The following HHIPL1 variants were observed in gnomAD, a reference collection of about 807,000 sequenced individuals.
HHIPL1 encodes HHIP like 1, also known as HHIP-like protein 1.
Under a neutral mutation model 61.8 loss-of-function variants are expected in HHIPL1, and 43 were observed. That is an observed-to-expected ratio of 0.70 (90% CI 0.55 to 0.90). HHIPL1 has a LOEUF of 0.90. Among genes scored for constraint, HHIPL1 ranks in the 40% least tolerant of loss-of-function variants. The probability of loss-of-function intolerance (pLI) is 0.00; values close to 1 mark genes in which losing one functional copy is unlikely to be tolerated. For missense variants in HHIPL1, 1,056 were observed against 1,157.7 expected, an observed-to-expected ratio of 0.91 and a Z score of 1.28; for synonymous variants, 482 against 515.8, an observed-to-expected ratio of 0.93 and a Z score of 0.89.
intron 1 of HHIPL1, among the ~76,000 whole-genome samples, chr14:99,649,567 G>T (rs1177063854): frequency 6.6e-6 from 1 of 152,202 alleles, no homozygotes; most frequent in Non-Finnish European, 1.5e-5. Flanking sequence ...AAGGCGGGAG[G>T]ATTGCTTGAG....
At chr14:99,628,155 G>A in the HHIPL1 span, among the ~76,000 whole-genome samples, 22 of 152,338 alleles carry the variant, frequency 1.4e-4, no homozygotes, top group African/African-American at 4.8e-4. Flanking sequence ...TGCTCCCCAG[G>A]CAGGCAGGAG....
At chr14:99,640,269 T>G (rs1311065692), upstream of HHIPL1, among the ~76,000 whole-genome samples, 1 of 152,302 alleles carries the variant, frequency 6.6e-6, no homozygotes, top group East Asian at 1.9e-4. Flanking sequence ...TTATGTGGTT[T>G]TTAAAACTTT....
At chr14:99,645,541 G>T in intron 1 of HHIPL1, 79 bp downstream of exon 1, 2 of 1,227,244 alleles carry the variant, frequency 1.6e-6, no homozygotes, top group African/African-American at 1.6e-5. Context: ...CCCCGCGGGG[G>T]CGAGGGCCAA....
At chr14:99,620,937 C>G in the HHIPL1 span, among the ~76,000 whole-genome samples, 3 of 152,244 alleles carry the variant, frequency 2.0e-5, no homozygotes, top group African/African-American at 7.2e-5. Flanking sequence ...GAAGGCAACA[C>G]TCGGGTCTGC....
At chr14:99,671,422 G>C (rs141726699) in intron 7 of HHIPL1, among the ~76,000 whole-genome samples, 10 of 152,276 alleles carry the variant, frequency 6.6e-5, no homozygotes, top group South Asian at 2.1e-4. Flanking sequence ...TATGTGCCTG[G>C]TTGTGTTTCT....
the HHIPL1 span, among the ~76,000 whole-genome samples, chr14:99,627,167 T>C: frequency 6.6e-6 from 1 of 151,772 alleles, no homozygotes; most frequent in Non-Finnish European, 1.5e-5. The surrounding 1 kb of genome is among the most constrained non-coding windows in gnomAD (Gnocchi z 4.4). Flanking sequence ...TATCTGTCCC[T>C]GTATCCATTC....
At chr14:99,651,130 T>C (rs2055923572) in intron 1 of HHIPL1, among the ~76,000 whole-genome samples, 1 of 152,138 alleles carries the variant, frequency 6.6e-6, no homozygotes, top group Non-Finnish European at 1.5e-5. Flanking sequence ...TCGCCTGTAG[T>C]CCCAGCTACT....
At position 99,670,649 on chromosome 14, in the gene HHIPL1, A is replaced by G. The variant is rs557838119; in HGVS notation, c.1731-1668A>G. Among the ~76,000 whole-genome samples the G allele has an allele frequency of 3.3e-5, 5 of 151,270 alleles. No homozygotes were observed. The South Asian group carries it at 1.0e-3, about 32-fold the overall frequency. On this transcript the variant is annotated intron_variant, in intron 7 of 8. Transcript: ENST00000330710. ...TTCCTGCTTCCATCCCTTCCTTCTC[A>G]TTTCCCTGAGGTCCCATCCATTGTT...
chr14:99,618,028 T>C, the HHIPL1 span, among the ~76,000 whole-genome samples: 6 of 152,144 alleles, frequency 3.9e-5, no homozygotes, highest in Admixed American at 2.0e-4. Flanking sequence ...CCAGCTGGAA[T>C]TTCAGAGCAG....
intron 1 of HHIPL1, among the ~76,000 whole-genome samples, chr14:99,646,482 C>T (rs12431602): frequency 0.36 from 54,898 of 152,186 alleles, 10,599 homozygotes; most frequent in South Asian, 0.49. Context: ...CTCACAATAT[C>T]TTTAAAATGA....
At chr14:99,664,565 C>G (rs936940964) in intron 6 of HHIPL1, among the ~76,000 whole-genome samples, 2 of 152,162 alleles carry the variant, frequency 1.3e-5, no homozygotes, top group African/African-American at 4.8e-5. Context: ...GGCCTCTGGA[C>G]AGCACAGAGC....
intron 6 of HHIPL1, among the ~76,000 whole-genome samples, chr14:99,665,812 C>T (rs972896198): frequency 5.3e-5 from 8 of 152,028 alleles, no homozygotes; most frequent in South Asian, 2.1e-4. Flanking sequence ...GACAGGGTCT[C>T]GCTCTGTCGC....
the HHIPL1 span, among the ~76,000 whole-genome samples, chr14:99,630,129 T>C: frequency 6.6e-6 from 1 of 152,210 alleles, no homozygotes; most frequent in East Asian, 1.9e-4. Context: ...TGGCTGAGCC[T>C]CCACTGTGTG....
chr14:99,664,747 C>A (rs1275898580), intron 6 of HHIPL1, among the ~76,000 whole-genome samples: 1 of 152,060 alleles, frequency 6.6e-6, no homozygotes, highest in East Asian at 1.9e-4. Context: ...CAGTGTCCCA[C>A]CAAGGGAAAA....
chr14:99,648,632 A>G (rs1251617952), intron 1 of HHIPL1, among the ~76,000 whole-genome samples: 1 of 152,218 alleles, frequency 6.6e-6, no homozygotes, highest in Non-Finnish European at 1.5e-5. Flanking sequence ...ACAAGATTCA[A>G]TGGAGTGAGT....
chr14:99,612,575 A>G, the HHIPL1 span, among the ~76,000 whole-genome samples: 33 of 152,334 alleles, frequency 2.2e-4, no homozygotes, highest in South Asian at 6.6e-3. Context: ...GGTTTACATC[A>G]AGTGACAGAT....
the HHIPL1 span, chr14:99,625,557 G>A: frequency 6.6e-6 from 1 of 152,198 alleles, no homozygotes; most frequent in Non-Finnish European, 1.5e-5. Context: ...ACAGCACTAG[G>A]AGAATGCTGG....
the HHIPL1 span, among the ~76,000 whole-genome samples, chr14:99,631,837 C>A: frequency 3.9e-5 from 6 of 152,194 alleles, no homozygotes; most frequent in Non-Finnish European, 5.9e-5. Context: ...CCAGAGAGAT[C>A]GCTCCTGCCG....
chr14:99,608,327 G>A, the HHIPL1 span, among the ~76,000 whole-genome samples: 1 of 152,142 alleles, frequency 6.6e-6, no homozygotes, highest in Non-Finnish European at 1.5e-5. Flanking sequence ...AACACCACCT[G>A]CCGCTTATCC....
Sources: gnomAD v4.1 joint callset for allele counts (sites outside exome capture counted in the v4.1 genomes callset) on GRCh38, gnomAD v4.1.1 for gene constraint, Gnocchi (gnomAD v3.1) non-coding constraint, MANE v1.5 for transcripts, NCBI Gene and HGNC (gene_info 2026-07-23, HGNC 2026-07-21) for gene names.